Variants in PDE10A observed in about 807,000 individuals in gnomAD.
The protein encoded by PDE10A is phosphodiesterase 10A, also known as cAMP and cAMP-inhibited cGMP 3',5'-cyclic phosphodiesterase 10A.
Under a neutral mutation model 97.7 loss-of-function variants are expected in PDE10A, and 39 were observed. The ratio of observed to expected loss-of-function variants is 0.40; its 90% CI spans 0.31 to 0.52. The LOEUF is 0.52. Among genes scored for constraint, PDE10A ranks in the 20% least tolerant of loss-of-function variants. PDE10A has a pLI of 0.56. For missense variants in PDE10A, 731 were observed against 1,047.8 expected, an observed-to-expected ratio of 0.70 and a Z score of 4.17; for synonymous variants, 371 against 376.8, an observed-to-expected ratio of 0.98 and a Z score of 0.18.
intron 2 of PDE10A, among the ~76,000 whole-genome samples, chr6:165,517,005 T>A (rs971400277): frequency 1.3e-5 from 2 of 149,916 alleles, no homozygotes; most frequent in African/African-American, 2.5e-5. Context: ...ATTCATCACA[T>A]TACCATGAAT....
chr6:165,717,805 C>T (rs1278100736), intron 1 of PDE10A, among the ~76,000 whole-genome samples: 1 of 152,194 alleles, frequency 6.6e-6, no homozygotes, highest in Non-Finnish European at 1.5e-5. Context: ...GTTTCAATCA[C>T]AGCCATCCTC....
chr6:165,905,922 GTTA>G (rs1480114378), intron 1 of PDE10A, among the ~76,000 whole-genome samples: 1 of 150,782 alleles, frequency 6.6e-6, no homozygotes, highest in Non-Finnish European at 1.5e-5. Flanking sequence ...AGAAAAATGT[GTTA>G]TTTTATAAAA....
chr6:165,796,069 C>T (rs1403446196), intron 1 of PDE10A, among the ~76,000 whole-genome samples: 1 of 149,466 alleles, frequency 6.7e-6, no homozygotes, highest in Non-Finnish European at 1.5e-5. Context: ...TGCATTTGCA[C>T]GTCTTTTCTT....
intron 1 of PDE10A, among the ~76,000 whole-genome samples, chr6:165,769,956 G>A (rs1777958639): frequency 6.6e-6 from 1 of 152,116 alleles, no homozygotes; most frequent in East Asian, 1.9e-4. Context: ...AATCCATTAA[G>A]TAATTTTCCT....
At chr6:165,457,188 T>C (rs1778003114) in intron 3 of PDE10A, among the ~76,000 whole-genome samples, 1 of 152,188 alleles carries the variant, frequency 6.6e-6, no homozygotes, top group Non-Finnish European at 1.5e-5. Flanking sequence ...ACAATTACAA[T>C]AAGTATACTA....
intron 13 of PDE10A, among the ~76,000 whole-genome samples, chr6:165,408,107 A>T (rs1787360272): frequency 6.6e-6 from 1 of 152,254 alleles, no homozygotes; most frequent in African/African-American, 2.4e-5. Flanking sequence ...ATTAGAAACA[A>T]GAATTTTCAT....
intron 1 of PDE10A, among the ~76,000 whole-genome samples, chr6:165,923,254 G>T (rs1444831049): frequency 2.6e-5 from 4 of 152,174 alleles, no homozygotes; most frequent in Non-Finnish European, 4.4e-5. Flanking sequence ...TATAGTTACT[G>T]ACCAATGTTA....
At chr6:165,957,379 G>A (rs536269469) in intron 1 of PDE10A, among the ~76,000 whole-genome samples, 38 of 152,192 alleles carry the variant, frequency 2.5e-4, no homozygotes, top group African/African-American at 8.7e-4. Flanking sequence ...TACTTGGGAG[G>A]CTAAGGTGAG....
chr6:165,568,084 C>T (rs906273932), intron 1 of PDE10A, among the ~76,000 whole-genome samples: 13 of 147,334 alleles, frequency 8.8e-5, no homozygotes, highest in Admixed American at 2.1e-4. Context: ...CTGCAAGCTC[C>T]GCCTCCTGGG....
intron 1 of PDE10A, among the ~76,000 whole-genome samples, chr6:165,625,452 G>C (rs1316998213): frequency 6.6e-6 from 1 of 152,224 alleles, no homozygotes; most frequent in Admixed American, 6.5e-5. Context: ...GAAGAATAGT[G>C]ATGTCATTTT....
In PDE10A at chr6:165,361,865, A is replaced by C. The variant is rs533518808; in HGVS notation, c.2783+17329T>G. ...CTGGCCTTAAGAATTGTGAGAAAATAAATTTCTATTGTTTTAAGCCATCTG... is the reference window on the plus strand; with the variant it reads ...CTGGCCTTAAGAATTGTGAGAAAATCAATTTCTATTGTTTTAAGCCATCTG... On this transcript the variant is annotated intron_variant, in intron 18 of 21. Transcript: ENST00000539869. Among the ~76,000 whole-genome samples the C allele has an allele frequency of 7.9e-5, 12 of 152,316 alleles. No homozygotes were observed. In the East Asian group the frequency reaches 2.3e-3, roughly 29 times the overall value.
At chr6:165,933,026 G>A (rs555917685) in intron 1 of PDE10A, among the ~76,000 whole-genome samples, 1 of 152,276 alleles carries the variant, frequency 6.6e-6, no homozygotes, top group South Asian at 2.1e-4. Context: ...TCCTGGTCTG[G>A]GGAGGCTACC....
At chr6:165,971,595 C>T (rs905267741) in intron 1 of PDE10A, among the ~76,000 whole-genome samples, 2 of 152,112 alleles carry the variant, frequency 1.3e-5, no homozygotes, top group African/African-American at 4.8e-5. Context: ...GTCAAAAGTG[C>T]CTTGCCAATT....
At chr6:165,732,679 G>A (rs1792468330) in intron 1 of PDE10A, among the ~76,000 whole-genome samples, 1 of 152,216 alleles carries the variant, frequency 6.6e-6, no homozygotes, top group South Asian at 2.1e-4. Flanking sequence ...GAGGCAACTT[G>A]GATGGAACTG....
chr6:165,685,857 A>G (rs143348333), intron 1 of PDE10A, among the ~76,000 whole-genome samples: 157 of 152,362 alleles, frequency 1.0e-3, no homozygotes, highest in Non-Finnish European at 1.7e-3. Context: ...TTACATTTTG[A>G]TATATAAAAT....
chr6:165,762,070 G>A (rs760038803), intron 1 of PDE10A, among the ~76,000 whole-genome samples: 15 of 152,196 alleles, frequency 9.9e-5, no homozygotes, highest in Non-Finnish European at 2.1e-4. Context: ...CTCCCAGAGA[G>A]TATAAATAAG....
chr6:165,578,381 C>T (rs1785430441), intron 1 of PDE10A, among the ~76,000 whole-genome samples: 1 of 152,114 alleles, frequency 6.6e-6, no homozygotes, highest in African/African-American at 2.4e-5. Flanking sequence ...GTTACAGATT[C>T]CCTTTTGTAA....
chr6:165,959,800 C>CCTGGGGAGGGGCAA (rs1392178185), intron 1 of PDE10A, among the ~76,000 whole-genome samples: 3 of 152,034 alleles, frequency 2.0e-5, no homozygotes, highest in African/African-American at 7.3e-5. Context: ...AGAGATCTCG[C>CCTGGGGAGGGGCAA]CTGGGGAGGG....
At chr6:165,474,915 CGAGT>C (rs1461333619) in intron 3 of PDE10A, among the ~76,000 whole-genome samples, 10 of 152,084 alleles carry the variant, frequency 6.6e-5, no homozygotes. Context: ...AGAAATAGAG[CGAGT>C]GAGTTTCTAA....
Sources: allele counts gnomAD v4.1 joint callset (sites outside exome capture counted in the v4.1 genomes callset), GRCh38; gene constraint gnomAD v4.1.1; transcripts MANE v1.5; gene names NCBI Gene and HGNC (gene_info 2026-07-23, HGNC 2026-07-21).